PCDHGB2: variants seen among roughly 807,000 people sequenced by gnomAD.
PCDHGB2 encodes protocadherin gamma-B2.
A neutral mutation model predicts 59.3 loss-of-function variants in PCDHGB2; 55 were observed. The ratio of observed to expected loss-of-function variants is 0.93; its 90% CI spans 0.75 to 1.16. The LOEUF is 1.16. Ranked by LOEUF, PCDHGB2 falls within the 50% of genes most tolerant of loss-of-function variation. The pLI is 0.00. For synonymous variants in PCDHGB2, 516 were observed against 512.0 expected (o/e 1.01, Z -0.11); for missense variants, 1,228 against 1,198.5 (o/e 1.02, Z -0.36).
intron 1 of PCDHGB2, chr5:141,399,540 C>T (rs775910113): frequency 9.3e-6 from 15 of 1,614,052 alleles, no homozygotes; most frequent in Non-Finnish European, 1.3e-5. Context: ...CGCAAGTCTG[C>T]GCCTCGGACC....
At position 141,432,247 on chromosome 5, in the gene PCDHGB2, C is replaced by G. The variant is rs139910620; in HGVS notation, c.2422-62560C>G. 61 of 1,614,264 alleles carry G rather than the reference C, an allele frequency of 3.8e-5. No homozygotes were observed. The African/African-American group carries it at 6.3e-4, about 17-fold the overall frequency. On this transcript the variant is annotated intron_variant, in intron 1 of 3. Transcript: ENST00000522605. The surrounding 1 kb of genome is among the most constrained non-coding windows in gnomAD (Gnocchi z 6.0). ...CTTATTCCCTGGCTGAGAACACCAT[C>G]CAAGGGGCAAGCCTATCGTCCTACG...
rs776677714 is a variant in PCDHGB2 at position 141,419,329 on chromosome 5, T to C, written c.2421+56773T>C. The C allele has an allele frequency of 7.4e-6, 12 of 1,613,842 alleles. 2 individuals carry two copies. The South Asian group carries it at 1.3e-4, about 18-fold the overall frequency. On this transcript the variant is annotated intron_variant, in intron 1 of 3. Coordinates refer to ENST00000522605, the MANE Select transcript of PCDHGB2 (RefSeq NM_018923.3). The stretch of plus-strand genomic sequence containing the variant: ...GGCTCAACGGCCGTGTCTCCTACTC[T>C]CTCATTGCCAGCGACCTGGAGTCAC...
At chr5:141,379,947 T>C (rs546796076) in intron 1 of PCDHGB2, among the ~76,000 whole-genome samples, 40 of 134,556 alleles carry the variant, frequency 3.0e-4, no homozygotes, top group African/African-American at 9.9e-4. Context: ...TCTCCCAGGC[T>C]GGAATGCAGT....
At chr5:141,458,694 C>G (rs905547768) in intron 1 of PCDHGB2, among the ~76,000 whole-genome samples, 1 of 152,136 alleles carries the variant, frequency 6.6e-6, no homozygotes, top group East Asian at 1.9e-4. Context: ...CTCAGCCTCC[C>G]GAGTAGCTGG....
In PCDHGB2 at chr5:141,432,469, C is replaced by A; in HGVS notation, c.2422-62338C>A. On this transcript the variant is annotated intron_variant, in intron 1 of 3. Coordinates refer to ENST00000522605, the MANE Select transcript of PCDHGB2 (RefSeq NM_018923.3). The surrounding 1 kb of genome is among the most constrained non-coding windows in gnomAD (Gnocchi z 6.0). ...TCCTGTACCCCGCCCTCCCCACGGA[C>A]GGTTCCACTGGCGTGGAGCTGGCTC... 6.2e-7 allele frequency: 1 copy of A among 1,614,218 alleles called. No individual in the cohort carries two copies.
chr5:141,494,197 C>T (rs73794924), intron 1 of PCDHGB2, among the ~76,000 whole-genome samples: 1,654 of 152,242 alleles, frequency 0.011, 27 homozygotes, highest in African/African-American at 0.037. Flanking sequence ...CTTGGATGCC[C>T]CGCAAAGGCC....
chr5:141,399,570 C>T (rs1297172097), intron 1 of PCDHGB2: 1 of 1,614,044 alleles, frequency 6.2e-7, no homozygotes, highest in Non-Finnish European at 8.5e-7. Context: ...GGTTGAACGG[C>T]CAAGTCTCCT....
intron 1 of PCDHGB2, among the ~76,000 whole-genome samples, chr5:141,483,340 C>T (rs906468552): frequency 5.9e-5 from 9 of 152,036 alleles, no homozygotes; most frequent in Non-Finnish European, 1.2e-4. Flanking sequence ...GATCTTATCT[C>T]TTTGCAATAG....
At chr5:141,403,153 C>T (rs2094362720) in intron 1 of PCDHGB2, 2 of 1,614,060 alleles carry the variant, frequency 1.2e-6, no homozygotes, top group Non-Finnish European at 1.7e-6. Flanking sequence ...TCCGCATCGT[C>T]TCTAGAGGTA....
intron 1 of PCDHGB2, among the ~76,000 whole-genome samples, chr5:141,425,769 A>C (rs1355689852): frequency 6.6e-6 from 1 of 152,256 alleles, no homozygotes; most frequent in Non-Finnish European, 1.5e-5. Flanking sequence ...ACAGGAGAGA[A>C]GACTTTGCCT....
chr5:141,441,852 G>T (rs1169073404), intron 1 of PCDHGB2: 2 of 352,708 alleles, frequency 5.7e-6, no homozygotes, highest in African/African-American at 2.2e-5. Flanking sequence ...TGGATATGGT[G>T]CTGCACGCCG....
chr5:141,460,454 T>A (rs1010186960), intron 1 of PCDHGB2, among the ~76,000 whole-genome samples: 6 of 152,194 alleles, frequency 3.9e-5, no homozygotes, highest in Admixed American at 3.3e-4. Flanking sequence ...TGAAGATTCA[T>A]ATTTTTTTCC....
rs557973676 is a variant in PCDHGB2, at chr5:141,429,315, T to C, written c.2422-65492T>C. 9.2e-5 allele frequency among the ~76,000 whole-genome samples: 14 copies of C among 152,298 alleles called. No individual in the cohort carries two copies. In the South Asian group the frequency reaches 2.9e-3, roughly 32 times the overall value. ...ACATCAATATTTGAGTATATAAGGC[T>C]TTTTCTTTAATCCATTAACTATAAA... On this transcript the variant is annotated intron_variant, in intron 1 of 3. Transcript: ENST00000522605.
intron 1 of PCDHGB2, among the ~76,000 whole-genome samples, chr5:141,469,061 G>C (rs960166489): frequency 1.3e-5 from 2 of 152,010 alleles, no homozygotes; most frequent in African/African-American, 4.8e-5. Flanking sequence ...AGGATTGCTT[G>C]AGCCTAGGAG....
intron 1 of PCDHGB2, chr5:141,415,308 C>A: frequency 6.2e-7 from 1 of 1,614,236 alleles, no homozygotes; most frequent in Non-Finnish European, 8.5e-7. Context: ...TCCTGGCCTT[C>A]GTCATCGTGC....
intron 1 of PCDHGB2, chr5:141,404,379 C>T (rs548569433): frequency 6.2e-7 from 1 of 1,613,940 alleles, no homozygotes; most frequent in African/African-American, 1.3e-5. Flanking sequence ...TCCGTGATTG[C>T]CTATGACCCT....
chr5:141,360,756 A>C lies in PCDHGB2; in HGVS notation c.621A>C (p.Leu207Phe), dbSNP rs377534214. 274 of 1,614,010 alleles carry C rather than the reference A, an allele frequency of 1.7e-4. No individual in the cohort carries two copies. Among genetic ancestry groups the C allele is most frequent in the Non-Finnish European group, 2.2e-4 (262 of 1,179,904 alleles). Residue 207 changes from leucine (L) to phenylalanine (F), a missense_variant, in exon 1 of 4, where the codon TTA becomes TTC. Coordinates refer to ENST00000522605, the MANE Select transcript of PCDHGB2 (RefSeq NM_018923.3). ...KHSLDREEHS[L>F]HQLVLTAVDG... ...CTCTGGACAGAGAAGAGCACAGTTT[A>C]CATCAATTGGTCCTCACAGCTGTGG...
In PCDHGB2 at chr5:141,362,210, T is replaced by C. The variant is rs1343767561; in HGVS notation, c.2075T>C (p.Leu692Pro). 1.2e-6 allele frequency: 2 copies of C among 1,613,942 alleles called. No homozygotes were observed. The highest frequency in any genetic ancestry group is 1.7e-6 in the Non-Finnish European group (2 of 1,179,904). Reference protein sequence around the residue: ...SDPQAKLQFYLVVALALISVL... With the variant: ...SDPQAKLQFYPVVALALISVL... ...CCCCAGGCAAAACTGCAGTTTTACCTGGTTGTGGCCTTGGCCTTGATCTCA... is the reference window on the plus strand; with the variant it reads ...CCCCAGGCAAAACTGCAGTTTTACCCGGTTGTGGCCTTGGCCTTGATCTCA... The change falls in exon 1 of 4, where the codon CTG becomes CCG. Residue 692 changes from leucine to proline, a missense_variant. Coordinates refer to ENST00000522605, the MANE Select transcript of PCDHGB2 (RefSeq NM_018923.3).
In PCDHGB2 at chr5:141,486,329, A is replaced by C. The variant is rs1045072240; in HGVS notation, c.2422-8478A>C. 1.2e-6 allele frequency: 2 copies of C among 1,613,882 alleles called. No individual in the cohort carries two copies. Among genetic ancestry groups the C allele is most frequent in the African/African-American group, 2.7e-5 (2 of 74,866 alleles). ...AGACTCAGGGTCAAACGGAGATGTG[A>C]GCCTCCGCATTCCTGACCACTTGCC... On this transcript the variant is annotated intron_variant, in intron 1 of 3. Transcript: ENST00000522605. The surrounding 1 kb of genome is among the most constrained non-coding windows in gnomAD (Gnocchi z 5.0).
Sources: allele counts gnomAD v4.1 joint callset (sites outside exome capture counted in the v4.1 genomes callset), GRCh38; gene constraint gnomAD v4.1.1; non-coding constraint Gnocchi (gnomAD v3.1); transcripts MANE v1.5; gene names NCBI Gene and HGNC (gene_info 2026-07-23, HGNC 2026-07-21).